The following EFTUD2 variants were observed in gnomAD, a reference collection of about 807,000 sequenced individuals.
EFTUD2 encodes the protein 116 kDa U5 small nuclear ribonucleoprotein component.
Under a neutral mutation model 114.3 loss-of-function variants are expected in EFTUD2, and 9 were observed. That is an observed-to-expected ratio of 0.08 (90% CI 0.05 to 0.14). EFTUD2 has a LOEUF of 0.14. Among genes scored for constraint, EFTUD2 ranks in the 10% least tolerant of loss-of-function variants. The pLI, the probability that EFTUD2 is intolerant of heterozygous loss-of-function variation, is 1.00. For missense variants in EFTUD2, 765 were observed against 1,241.2 expected, an observed-to-expected ratio of 0.62 and a Z score of 5.76; for synonymous variants, 449 against 462.3, an observed-to-expected ratio of 0.97 and a Z score of 0.37.
At position 44,879,573 on chromosome 17, in the gene EFTUD2, T is replaced by C. The variant is rs145654866; in HGVS notation, c.685A>G (p.Ile229Val). The part of the protein sequence containing the change: ...LRISDGVVLF[I>V]DAAEGVMLNT... ...TGACTCACCCCCTCAGCAGCATCAA[T>C]GAAAAGGACCACTCCATCTGAGATG... Residue 229 changes from isoleucine to valine, a missense_variant, in exon 9 of 28, where the codon ATT (isoleucine) becomes GTT (valine). Ile to Val is a conservative substitution (Grantham distance 29). Around this residue, in one of 6 missense-constraint regions of EFTUD2, gnomAD observed 251 missense variants for 357.7 expected, o/e 0.70. Transcript: ENST00000426333. 6.2e-7 allele frequency: 1 copy of C among 1,613,904 alleles called. No individual in the cohort carries two copies. The highest frequency in any genetic ancestry group is 8.5e-7 in the Non-Finnish European group (1 of 1,179,940).
chr17:44,888,786 G>A (rs1486099152), intron 2 of EFTUD2, among the ~76,000 whole-genome samples: 1 of 152,190 alleles, frequency 6.6e-6, no homozygotes, highest in Non-Finnish European at 1.5e-5. Flanking sequence ...GGAGCAGGGC[G>A]GGGAAAGCTC....
rs1000337987 is a variant in EFTUD2 at position 44,854,414 on chromosome 17, G to A, written c.2260-58C>T. ...GCCCTGGCAACGGCTGAAGCATTTA[G>A]AGGGAGAAGACAGATGTGCCTGTAA... is the stretch of plus-strand genomic sequence containing the variant. On this transcript the variant is annotated intron_variant, in intron 22 of 27. Coordinates refer to ENST00000426333, the MANE Select transcript of EFTUD2 (RefSeq NM_004247.4). The surrounding 1 kb of genome is among the most constrained non-coding windows in gnomAD (Gnocchi z 4.3). 8.6e-5 allele frequency: 137 copies of A among 1,592,390 alleles called. No individual in the cohort carries two copies. The highest frequency in any genetic ancestry group is 1.7e-4 in the Middle Eastern group (1 of 5,974).
chr17:44,859,256 G>T, intron 18 of EFTUD2, 75 bp from the exon 19 acceptor site: 1 of 1,041,162 alleles, frequency 9.6e-7, no homozygotes, highest in Non-Finnish European at 1.5e-6. Context: ...ATCAAGGCCA[G>T]AGCAGACAAG....
intron 11 of EFTUD2, among the ~76,000 whole-genome samples, chr17:44,871,964 G>T (rs544229736): frequency 6.6e-6 from 1 of 152,326 alleles, no homozygotes; most frequent in African/African-American, 2.4e-5. Flanking sequence ...CTGGTGTTGA[G>T]GCTCCAGGAA....
At chr17:44,853,245 T>TG (rs1252600239) in intron 25 of EFTUD2, 51 bp downstream of exon 25, 2 of 1,585,836 alleles carry the variant, frequency 1.3e-6, no homozygotes, top group Non-Finnish European at 1.7e-6. Context: ...AGGTGACTCT[T>TG]GTTCTGCTCT....
chr17:44,883,782 T>C (rs1042679523), intron 4 of EFTUD2, 58 bp from the exon 5 acceptor site: 21 of 1,557,388 alleles, frequency 1.3e-5, no homozygotes, highest in East Asian at 2.2e-5. Context: ...AAATGAGGAG[T>C]GGTGTAAAGG....
chr17:44,879,461 TC>T, intron 9 of EFTUD2, 94 bp downstream of exon 9: 1 of 1,265,586 alleles, frequency 7.9e-7, no homozygotes, highest in East Asian at 2.3e-5. Flanking sequence ...TTTCAAGTTC[TC>T]TGGCTCCCAG....
chr17:44,860,191 A>G, intron 17 of EFTUD2, 146 bp from the exon 18 acceptor site: 1 of 1,131,244 alleles, frequency 8.8e-7, no homozygotes, highest in Non-Finnish European at 1.3e-6. Flanking sequence ...GGTAACCTGA[A>G]GGGCCATTTC....
chr17:44,882,523 T>C (rs776397293), intron 6 of EFTUD2, among the ~76,000 whole-genome samples: 11 of 152,192 alleles, frequency 7.2e-5, no homozygotes, highest in Non-Finnish European at 1.0e-4. Flanking sequence ...CCCAAAGTAC[T>C]GGGATTATAG....
intron 13 of EFTUD2, among the ~76,000 whole-genome samples, chr17:44,866,840 C>G (rs1032267600): frequency 5.3e-5 from 8 of 152,180 alleles, no homozygotes. Flanking sequence ...TGGTGGACTC[C>G]TGCCTGTAAG....
intron 20 of EFTUD2, among the ~76,000 whole-genome samples, chr17:44,856,130 CAAA>C (rs1045415785): frequency 8.0e-5 from 3 of 37,350 alleles, no homozygotes; most frequent in South Asian, 1.8e-3. Flanking sequence ...GACCCTGTCT[CAAA>C]AAAAAAAAAA....
intron 16 of EFTUD2, among the ~76,000 whole-genome samples, chr17:44,861,401 C>T (rs1413200215): frequency 1.4e-5 from 2 of 141,490 alleles, no homozygotes; most frequent in Admixed American, 1.5e-4. Flanking sequence ...GCCGCAATCA[C>T]GCCATTGCAC....
intron 4 of EFTUD2, among the ~76,000 whole-genome samples, chr17:44,884,705 C>T (rs1319696857): frequency 6.6e-6 from 1 of 151,906 alleles, no homozygotes; most frequent in African/African-American, 2.4e-5. Flanking sequence ...CCAGCTTGGG[C>T]AACATAGTGA....
At chr17:44,889,086 G>C (rs75243770) in intron 2 of EFTUD2, among the ~76,000 whole-genome samples, 4 of 152,110 alleles carry the variant, frequency 2.6e-5, no homozygotes, top group Non-Finnish European at 4.4e-5. Flanking sequence ...TGGTCAGTGC[G>C]GAGGAAAACC....
rs755675720 is a variant in EFTUD2 at position 44,868,366 on chromosome 17, C to G, written c.995-16G>C. 2.5e-6 allele frequency: 4 copies of G among 1,612,962 alleles called. No individual in the cohort carries two copies. The East Asian group carries it at 8.9e-5, about 36-fold the overall frequency. On this transcript the variant is annotated splice_polypyrimidine_tract_variant and intron_variant, in intron 11 of 27. Coordinates refer to ENST00000426333, the MANE Select transcript of EFTUD2 (RefSeq NM_004247.4). Reference sequence around the variant, plus strand: ...TTAATGTCACCTATGGGAGAAGCCACACAATTATAATCTACCTAGCAAAGT... The same window carrying G: ...TTAATGTCACCTATGGGAGAAGCCAGACAATTATAATCTACCTAGCAAAGT...
At chr17:44,875,869 G>C in intron 10 of EFTUD2, 65 bp downstream of exon 10, 1 of 1,564,506 alleles carries the variant, frequency 6.4e-7, no homozygotes, top group Non-Finnish European at 8.7e-7. Flanking sequence ...GTTGTTCCCA[G>C]AGGTATTCAG....
At chr17:44,862,939 C>T (rs1263920220) in intron 15 of EFTUD2, 33 bp from the exon 16 acceptor site, 1 of 1,573,068 alleles carries the variant, frequency 6.4e-7, no homozygotes, top group Non-Finnish European at 8.7e-7. Flanking sequence ...GCTTCAACCA[C>T]ATCTATGCTC....
chr17:44,897,643 C>T (rs2051414670), intron 1 of EFTUD2, among the ~76,000 whole-genome samples: 1 of 152,188 alleles, frequency 6.6e-6, no homozygotes, highest in Admixed American at 6.5e-5. Flanking sequence ...CGACTCACTG[C>T]AACCTCCGCC....
At position 44,850,377 on chromosome 17, in the gene EFTUD2, A is replaced by C. The variant is rs748067700; in HGVS notation, c.*897T>G. The C allele has an allele frequency of 1.2e-6, 2 of 1,612,924 alleles. No homozygotes were observed. Among genetic ancestry groups the C allele is most frequent in the African/African-American group, 2.7e-5 (2 of 74,938 alleles). On this transcript the variant is annotated 3_prime_UTR_variant, in exon 28 of 28. Transcript: ENST00000426333. ...AGCGATTACGTCAAGAGGATGGCAC[A>C]GGATGCTGGAGAGAAGTAGGACTCC... is the stretch of plus-strand genomic sequence containing the variant.
Sources: gnomAD v4.1 joint callset for allele counts (sites outside exome capture counted in the v4.1 genomes callset) on GRCh38, gnomAD v4.1.1 for gene constraint, gnomAD v4.1.1 regional missense constraint, Gnocchi (gnomAD v3.1) non-coding constraint, MANE v1.5 for transcripts, NCBI Gene and HGNC (gene_info 2026-07-23, HGNC 2026-07-21) for gene names.